Variants in KIAA1217 observed in about 807,000 individuals in gnomAD.
The protein encoded by KIAA1217 is sickle tail protein homolog.
In KIAA1217, 88 loss-of-function variants were observed where a neutral mutation model predicts 163.9. The ratio of observed to expected loss-of-function variants is 0.54; its 90% CI spans 0.45 to 0.64. KIAA1217 has a LOEUF of 0.64. KIAA1217 is among the 30% of genes least tolerant of loss of function. The probability of loss-of-function intolerance (pLI) is 0.00; values close to 1 mark genes in which losing one functional copy is unlikely to be tolerated. For synonymous variants in KIAA1217, 903 were observed against 923.1 expected (o/e 0.98, Z 0.39); for missense variants, 2,372 against 2,475.0 (o/e 0.96, Z 0.88).
chr10:23,852,683 T>C (rs967714032), intron 1 of KIAA1217, among the ~76,000 whole-genome samples: 1 of 152,210 alleles, frequency 6.6e-6, no homozygotes, highest in African/African-American at 2.4e-5. Flanking sequence ...TATCCTCTTT[T>C]ATTTCATTGA....
At chr10:23,860,985 T>G (rs192924732) in intron 1 of KIAA1217, among the ~76,000 whole-genome samples, 1 of 151,976 alleles carries the variant, frequency 6.6e-6, no homozygotes, top group East Asian at 1.9e-4. Context: ...GGGTCATAAT[T>G]CACTGCAGCC....
chr10:23,748,414 C>T (rs1031384981), intron 1 of KIAA1217, among the ~76,000 whole-genome samples: 2 of 149,586 alleles, frequency 1.3e-5, no homozygotes, highest in Admixed American at 1.3e-4. Flanking sequence ...AGCCCCAGCA[C>T]TAGCAGGCAC....
At chr10:23,883,784 T>A (rs1315697995) in intron 1 of KIAA1217, among the ~76,000 whole-genome samples, 1 of 151,856 alleles carries the variant, frequency 6.6e-6, no homozygotes, top group Non-Finnish European at 1.5e-5. Context: ...TATTCCTCCA[T>A]CTCTCCCCCC....
At chr10:24,491,629 G>A (rs12775927) in intron 6 of KIAA1217, among the ~76,000 whole-genome samples, 3,732 of 152,142 alleles carry the variant, frequency 0.025, 54 homozygotes, top group Middle Eastern at 0.051. Context: ...TTTGTTGGAC[G>A]ATGTAATGAA....
intron 2 of KIAA1217, among the ~76,000 whole-genome samples, chr10:24,014,526 T>C (rs1175952215): frequency 6.6e-6 from 1 of 152,052 alleles, no homozygotes; most frequent in Non-Finnish European, 1.5e-5. Context: ...TGTGAAAAAA[T>C]GAGAAAGTGC....
chr10:24,248,017 A>G (rs997073386), intron 2 of KIAA1217, among the ~76,000 whole-genome samples: 1 of 152,242 alleles, frequency 6.6e-6, no homozygotes, highest in Non-Finnish European at 1.5e-5. Flanking sequence ...AGCAGTTTCT[A>G]CAGTGGCTGA....
At chr10:24,526,095 C>T (rs1164314278) in intron 13 of KIAA1217, among the ~76,000 whole-genome samples, 1 of 152,162 alleles carries the variant, frequency 6.6e-6, no homozygotes, top group Non-Finnish European at 1.5e-5. Context: ...CTTCTTTTTT[C>T]TTCTTGCCTC....
At chr10:23,854,629 T>G (rs918817441) in intron 1 of KIAA1217, among the ~76,000 whole-genome samples, 1 of 152,150 alleles carries the variant, frequency 6.6e-6, no homozygotes, top group African/African-American at 2.4e-5. Context: ...AAGTCTCCCA[T>G]TATTATCGTG....
intron 2 of KIAA1217, among the ~76,000 whole-genome samples, chr10:24,321,106 G>C (rs1437751685): frequency 6.6e-6 from 1 of 151,842 alleles, no homozygotes; most frequent in Non-Finnish European, 1.5e-5. Flanking sequence ...AAAACAGTGG[G>C]GCGGTTCCTC....
rs140819616 is a variant in KIAA1217, at chr10:24,333,120, C to A, written c.355-47749C>A. 6.1e-3 allele frequency among the ~76,000 whole-genome samples: 931 copies of A among 152,088 alleles called. 11 individuals carry two copies. The highest frequency in any genetic ancestry group is 0.021 in the African/African-American group (861 of 41,482). The stretch of plus-strand genomic sequence containing the variant: ...CACTGCAACCTCTGCCTCCCAGGTT[C>A]AAGCAATTCTCCTGCCTCAGTCTCC... On this transcript the variant is annotated intron_variant, in intron 2 of 20. Transcript: ENST00000376454.
At chr10:24,047,918 G>A (rs1760415973) in intron 2 of KIAA1217, among the ~76,000 whole-genome samples, 1 of 152,178 alleles carries the variant, frequency 6.6e-6, no homozygotes, top group South Asian at 2.1e-4. Context: ...TGCACTCAGT[G>A]TATGGCTTTT....
intron 2 of KIAA1217, among the ~76,000 whole-genome samples, chr10:24,037,608 G>A (rs1848450052): frequency 6.6e-6 from 1 of 152,176 alleles, no homozygotes; most frequent in Non-Finnish European, 1.5e-5. Context: ...TGGAGTAGAT[G>A]GGCAAGTTGC....
intron 1 of KIAA1217, among the ~76,000 whole-genome samples, chr10:23,803,841 GC>G (rs763234819): frequency 8.1e-4 from 123 of 152,186 alleles, no homozygotes; most frequent in Non-Finnish European, 1.6e-3. Flanking sequence ...CCATGAGAAT[GC>G]TTTGATTTTA....
At chr10:23,747,851 A>G (rs1360166128) in intron 1 of KIAA1217, among the ~76,000 whole-genome samples, 2 of 152,078 alleles carry the variant, frequency 1.3e-5, no homozygotes, top group Non-Finnish European at 2.9e-5. Context: ...CTGCTGCCCT[A>G]CACTTAGATT....
chr10:23,952,245 T>C (rs1844371654), intron 1 of KIAA1217, among the ~76,000 whole-genome samples: 2 of 152,250 alleles, frequency 1.3e-5, no homozygotes, highest in Admixed American at 1.3e-4. Context: ...ACTTCATTTA[T>C]CCTGGCCCAC....
chr10:24,411,492 T>C (rs187194171), intron 3 of KIAA1217, among the ~76,000 whole-genome samples: 1 of 152,350 alleles, frequency 6.6e-6, no homozygotes, highest in Non-Finnish European at 1.5e-5. Flanking sequence ...TATTTTACAA[T>C]TGTGATTTTA....
intron 1 of KIAA1217, among the ~76,000 whole-genome samples, chr10:23,776,672 G>T (rs1016422369): frequency 6.8e-6 from 1 of 147,910 alleles, no homozygotes; most frequent in African/African-American, 2.5e-5. Flanking sequence ...GTTATTGACT[G>T]TGGGTACTTT....
intron 2 of KIAA1217, among the ~76,000 whole-genome samples, chr10:24,161,820 C>T (rs1164857303): frequency 6.6e-6 from 1 of 152,176 alleles, no homozygotes; most frequent in Non-Finnish European, 1.5e-5. Context: ...AGGAAGGACA[C>T]CCATAGAGAC....
chr10:24,158,575 G>C (rs760099582), intron 2 of KIAA1217: 1 of 505,780 alleles, frequency 2.0e-6, no homozygotes, highest in Non-Finnish European at 4.0e-6. Flanking sequence ...AACTGTAATG[G>C]GAAGCACTGA....
Sources: allele counts gnomAD v4.1 joint callset (sites outside exome capture counted in the v4.1 genomes callset), GRCh38; gene constraint gnomAD v4.1.1; transcripts MANE v1.5; gene names NCBI Gene and HGNC (gene_info 2026-07-23, HGNC 2026-07-21).